MRPS6: variants seen among roughly 807,000 people sequenced by gnomAD.
MRPS6 encodes mitochondrial ribosomal protein S6, also known as small ribosomal subunit protein bS6m.
Under a neutral mutation model 13.1 loss-of-function variants are expected in MRPS6, and 6 were observed. The observed-to-expected ratio is 0.46, with a 90% CI of 0.25 to 0.91. MRPS6 has a LOEUF of 0.91. Ranked by LOEUF, MRPS6 falls within the 40% of genes least tolerant of loss-of-function variation. MRPS6 has a pLI of 0.18. For synonymous variants in MRPS6, 61 were observed against 56.5 expected, an observed-to-expected ratio of 1.08 and a Z score of -0.36; for missense variants, 164 against 155.6, an observed-to-expected ratio of 1.05 and a Z score of -0.29.
At chr21:34,089,547 G>T (rs939833403) in intron 1 of MRPS6, among the ~76,000 whole-genome samples, 6 of 152,034 alleles carry the variant, frequency 3.9e-5, no homozygotes, top group African/African-American at 1.4e-4. Context: ...ATATATCTTG[G>T]GCGGAGTGTA....
chr21:34,136,980 C>T (rs1453484741), intron 2 of MRPS6, among the ~76,000 whole-genome samples: 3 of 152,066 alleles, frequency 2.0e-5, no homozygotes, highest in Admixed American at 1.3e-4. Flanking sequence ...ATTTTAGCAC[C>T]ATTTGTTGTA....
rs187618041 is a variant in MRPS6 at position 34,131,001 on chromosome 21, G to A, written c.185+5521G>A. On this transcript the variant is annotated intron_variant, in intron 2 of 2. Transcript: ENST00000399312. ...CATGGACCCTGGCTACCTGGTAGGC[G>A]GAACCATGTCACTTGTGCCATGTAG... is the stretch of plus-strand genomic sequence containing the variant. 1.7e-3 allele frequency among the ~76,000 whole-genome samples: 259 copies of A among 152,320 alleles called. 2 individuals are homozygous for A. The highest frequency in any genetic ancestry group is 5.9e-3 in the African/African-American group (247 of 41,554).
chr21:34,076,471 C>T (rs1174914761), intron 1 of MRPS6, among the ~76,000 whole-genome samples: 1 of 152,174 alleles, frequency 6.6e-6, no homozygotes, highest in Non-Finnish European at 1.5e-5. Flanking sequence ...TACAATTAGT[C>T]ACCCAGAAAT....
At chr21:34,090,367 TGAGTC>T (rs1259999058) in intron 1 of MRPS6, among the ~76,000 whole-genome samples, 1 of 152,190 alleles carries the variant, frequency 6.6e-6, no homozygotes, top group Admixed American at 6.5e-5. Context: ...TCCTAGAACT[TGAGTC>T]AAGGTGACAA....
rs144987438 is a variant in MRPS6, at chr21:34,078,857, C to A, written c.45+5112C>A. On this transcript the variant is annotated intron_variant, in intron 1 of 2. Coordinates refer to ENST00000399312, the MANE Select transcript of MRPS6 (RefSeq NM_032476.4). ...GACTTTTCCTATTTAATGTTCTTAG[C>A]TTTGTGTTAGAATTTCCAATATACT... is the stretch of plus-strand genomic sequence containing the variant. 1.5e-4 allele frequency among the ~76,000 whole-genome samples: 23 copies of A among 152,212 alleles called. No homozygotes were observed. In the East Asian group the frequency reaches 4.4e-3, roughly 29 times the overall value.
chr21:34,111,116 G>C (rs1405642926), intron 1 of MRPS6, among the ~76,000 whole-genome samples: 2 of 152,172 alleles, frequency 1.3e-5, no homozygotes, highest in Non-Finnish European at 2.9e-5. Flanking sequence ...GTGCAATAGG[G>C]GACTGCAGTT....
At position 34,096,722 on chromosome 21, in the gene MRPS6, C is replaced by T. The variant is rs575422533; in HGVS notation, c.45+22977C>T. On this transcript the variant is annotated intron_variant, in intron 1 of 2. Transcript: ENST00000399312. The surrounding 1 kb of genome is among the most constrained non-coding windows in gnomAD (Gnocchi z 5.9). The stretch of plus-strand genomic sequence containing the variant: ...ATAATAGGCCGGGCTTCATCAAAGA[C>T]ATCCATTATATGTATGTGGCCACAG... 5.8e-5 allele frequency: 94 copies of T among 1,614,122 alleles called. No homozygotes were observed. The highest frequency in any genetic ancestry group is 2.7e-5 in the African/African-American group (2 of 75,030).
At chr21:34,095,287 A>G (rs1422736023) in intron 1 of MRPS6, 1 of 1,614,120 alleles carries the variant, frequency 6.2e-7, no homozygotes, top group Non-Finnish European at 8.5e-7. Flanking sequence ...GCCATGTGGA[A>G]ATCTAATAGA....
chr21:34,097,953 C>G (rs146258759), intron 1 of MRPS6: 1 of 994,592 alleles, frequency 1.0e-6, no homozygotes, highest in African/African-American at 1.8e-5. Flanking sequence ...TTTGTACCAC[C>G]AGTATATGGA....
In MRPS6 at chr21:34,098,346, G is replaced by C. The variant is rs779159181; in HGVS notation, c.45+24601G>C. 8 of 1,000,044 alleles carry C rather than the reference G, an allele frequency of 8.0e-6. No individual in the cohort carries two copies. The Admixed American group carries it at 4.9e-4, about 61-fold the overall frequency. 61.9% of individuals were successfully genotyped at this position (1,000,044 alleles called of 1,614,324 possible). A position where few individuals can be genotyped will look rare whatever the true frequency, so the allele number is the denominator to read the frequency against. On this transcript the variant is annotated intron_variant, in intron 1 of 2. Transcript: ENST00000399312. ...TCCAGAAACCTGAAGAAAAATTGAC[G>C]CTGCCTTTGTGTGCTGGATTGCTCT...
chr21:34,119,830 C>A (rs779306902), intron 1 of MRPS6, among the ~76,000 whole-genome samples: 1 of 152,158 alleles, frequency 6.6e-6, no homozygotes, highest in Non-Finnish European at 1.5e-5. Context: ...ATGATACTTC[C>A]ATGAATTCTT....
At chr21:34,134,757 C>T (rs1362514032) in intron 2 of MRPS6, among the ~76,000 whole-genome samples, 6 of 152,192 alleles carry the variant, frequency 3.9e-5, no homozygotes, top group African/African-American at 1.2e-4. Flanking sequence ...CAGTAGAAGC[C>T]GTACTCAAAT....
intron 2 of MRPS6, among the ~76,000 whole-genome samples, chr21:34,139,474 T>C (rs189682669): frequency 1.3e-5 from 2 of 152,158 alleles, no homozygotes. Flanking sequence ...ACTACACATA[T>C]TTCGTTAATA....
Position 34,142,651 on chromosome 21 carries a change from G to T in MRPS6, c.*51G>T. ...TATGTAATTCCTTCACATTTGGGCAGCATGGACGAGAAGGAAGAATTTGCA... is the reference window on the plus strand; with the variant it reads ...TATGTAATTCCTTCACATTTGGGCATCATGGACGAGAAGGAAGAATTTGCA... On this transcript the variant is annotated 3_prime_UTR_variant, in exon 3 of 3. Transcript: ENST00000399312. 2.7e-6 allele frequency: 4 copies of T among 1,491,022 alleles called. No homozygotes were observed. The highest frequency in any genetic ancestry group is 3.6e-6 in the Non-Finnish European group (4 of 1,124,840). 92.4% of individuals were successfully genotyped at this position (1,491,022 alleles called of 1,614,324 possible).
At chr21:34,103,544 A>G (rs1264973900) in intron 1 of MRPS6, 6 of 1,000,074 alleles carry the variant, frequency 6.0e-6, no homozygotes, top group Non-Finnish European at 7.2e-6. Context: ...TTTATATTCC[A>G]TGATAGAAAG....
intron 2 of MRPS6, among the ~76,000 whole-genome samples, chr21:34,138,981 T>TA (rs1295576433): frequency 1.3e-5 from 2 of 151,440 alleles, no homozygotes; most frequent in Non-Finnish European, 2.9e-5. Flanking sequence ...ATGTGGCACA[T>TA]ATACACCATG....
chr21:34,077,404 C>CA (rs938986547), intron 1 of MRPS6, among the ~76,000 whole-genome samples: 1 of 152,132 alleles, frequency 6.6e-6, no homozygotes, highest in Non-Finnish European at 1.5e-5. Context: ...GCCCTTTTCC[C>CA]AGAAGGTGTT....
At chr21:34,129,775 C>T (rs1980436537) in intron 2 of MRPS6, among the ~76,000 whole-genome samples, 1 of 152,170 alleles carries the variant, frequency 6.6e-6, no homozygotes, top group Admixed American at 6.5e-5. Context: ...TGACCCCGTT[C>T]TCGTGTGTAG....
chr21:34,116,363 G>T (rs1226135269), intron 1 of MRPS6, among the ~76,000 whole-genome samples: 1 of 150,464 alleles, frequency 6.6e-6, no homozygotes, highest in Non-Finnish European at 1.5e-5. Flanking sequence ...TTGGGAACAG[G>T]TGGTGTTTGG....
Sources: gnomAD v4.1 joint callset for allele counts (sites outside exome capture counted in the v4.1 genomes callset) on GRCh38, gnomAD v4.1.1 for gene constraint, Gnocchi (gnomAD v3.1) non-coding constraint, MANE v1.5 for transcripts, NCBI Gene and HGNC (gene_info 2026-07-23, HGNC 2026-07-21) for gene names.